Variants in SOBP observed in about 807,000 individuals in gnomAD.
The protein encoded by SOBP is sine oculis binding protein homolog.
In SOBP, 4 loss-of-function variants were observed where a neutral mutation model predicts 53.6. That is an observed-to-expected ratio of 0.07 (90% CI 0.04 to 0.17). The LOEUF is 0.17. Ranked by LOEUF, SOBP falls within the 10% of genes least tolerant of loss-of-function variation. SOBP has a pLI of 1.00. For synonymous variants in SOBP, 584 were observed against 522.6 expected, an observed-to-expected ratio of 1.12 and a Z score of -1.60; for missense variants, 1,088 against 1,204.7, an observed-to-expected ratio of 0.90 and a Z score of 1.43.
At chr6:107,509,365 G>A (rs1372689649) in intron 3 of SOBP, among the ~76,000 whole-genome samples, 1 of 148,336 alleles carries the variant, frequency 6.7e-6, no homozygotes, top group Non-Finnish European at 1.5e-5. Flanking sequence ...TTGCACTCCA[G>A]CCTGGGCAAC....
chr6:107,594,323 G>A (rs563744482), intron 5 of SOBP, among the ~76,000 whole-genome samples: 55 of 152,134 alleles, frequency 3.6e-4, no homozygotes, highest in Admixed American at 2.2e-3. Context: ...TTCCAAGGTT[G>A]CTTGCTTTCC....
chr6:107,503,613 T>C (rs1562575536), intron 1 of SOBP, 44 bp from the exon 2 acceptor site: 1 of 1,606,882 alleles, frequency 6.2e-7, no homozygotes, highest in Non-Finnish European at 8.5e-7. Context: ...TTTCAAGTAG[T>C]TATTGATTAT....
rs141785044 is a variant in SOBP at position 107,574,172 on chromosome 6, G to A, written c.574-12908G>A. 4.5e-3 allele frequency among the ~76,000 whole-genome samples: 682 copies of A among 152,280 alleles called. 8 individuals carry two copies. Among genetic ancestry groups the A allele is most frequent in the African/African-American group, 0.015 (628 of 41,544 alleles). The stretch of plus-strand genomic sequence containing the variant: ...ACATTTTTTTAACTCAAAGGCAAAA[G>A]TCTTTCATCCCTTAAGACAAAGAAA... On this transcript the variant is annotated intron_variant, in intron 4 of 6. Coordinates refer to ENST00000317357, the MANE Select transcript of SOBP (RefSeq NM_018013.4).
At chr6:107,619,231 A>G (rs1250060020) in intron 5 of SOBP, among the ~76,000 whole-genome samples, 1 of 152,212 alleles carries the variant, frequency 6.6e-6, no homozygotes, top group Non-Finnish European at 1.5e-5. Flanking sequence ...AATTAAAGAA[A>G]ACATGATAAG....
intron 1 of SOBP, among the ~76,000 whole-genome samples, chr6:107,500,012 T>G (rs1215523645): frequency 6.6e-6 from 1 of 152,162 alleles, no homozygotes; most frequent in African/African-American, 2.4e-5. Flanking sequence ...ACAAAAACAA[T>G]GCTGAAAAGT....
At chr6:107,524,486 G>A (rs754255657) in intron 3 of SOBP, among the ~76,000 whole-genome samples, 10 of 152,176 alleles carry the variant, frequency 6.6e-5, no homozygotes, top group African/African-American at 1.9e-4. Context: ...TATTTGGTCT[G>A]TATTACTCTC....
intron 4 of SOBP, among the ~76,000 whole-genome samples, chr6:107,554,149 C>T (rs1322270757): frequency 1.3e-5 from 2 of 152,094 alleles, no homozygotes; most frequent in Non-Finnish European, 2.9e-5. Context: ...TTTGAGTAAC[C>T]CTCCAGTAAT....
intron 3 of SOBP, among the ~76,000 whole-genome samples, chr6:107,527,483 C>T (rs1233810648): frequency 6.6e-6 from 1 of 152,186 alleles, no homozygotes; most frequent in African/African-American, 2.4e-5. Flanking sequence ...GGTGCCTGGT[C>T]ACTGGGCCTC....
chr6:107,513,754 G>T (rs539836071), intron 3 of SOBP, among the ~76,000 whole-genome samples: 18 of 151,430 alleles, frequency 1.2e-4, no homozygotes, highest in Admixed American at 3.3e-4. Flanking sequence ...AGAAAAAGAG[G>T]TTCACTGAAC....
chr6:107,510,045 T>G (rs1783122444), intron 3 of SOBP, among the ~76,000 whole-genome samples: 1 of 152,234 alleles, frequency 6.6e-6, no homozygotes, highest in Admixed American at 6.5e-5. Context: ...TGAATTTTGA[T>G]TTAGTCATAC....
chr6:107,506,495 A>G (rs747954862), intron 3 of SOBP, 68 bp downstream of exon 3: 4 of 1,555,170 alleles, frequency 2.6e-6, no homozygotes, highest in Middle Eastern at 1.7e-4. Flanking sequence ...CTTAGGAATA[A>G]TTATTAAATG....
At chr6:107,494,147 A>G (rs1782643737) in intron 1 of SOBP, among the ~76,000 whole-genome samples, 1 of 152,206 alleles carries the variant, frequency 6.6e-6, no homozygotes, top group Non-Finnish European at 1.5e-5. Flanking sequence ...ATGTACTTAC[A>G]ATTAGTCTGC....
chr6:107,622,200 G>A (rs1234635695), intron 5 of SOBP, among the ~76,000 whole-genome samples: 1 of 152,200 alleles, frequency 6.6e-6, no homozygotes, highest in Non-Finnish European at 1.5e-5. Context: ...GCTCTTGAAG[G>A]TAGACGGGGT....
chr6:107,583,863 A>G (rs866003457), intron 4 of SOBP, among the ~76,000 whole-genome samples: 17 of 152,208 alleles, frequency 1.1e-4, no homozygotes, highest in African/African-American at 3.6e-4. Flanking sequence ...TGCGTTGTAT[A>G]TACTTACTGG....
intron 3 of SOBP, among the ~76,000 whole-genome samples, chr6:107,525,178 A>G (rs770643425): frequency 2.0e-5 from 3 of 152,152 alleles, no homozygotes; most frequent in Non-Finnish European, 4.4e-5. Context: ...TTCCTTTCCT[A>G]TTCCAGTTTC....
At chr6:107,576,546 G>T (rs991962317) in intron 4 of SOBP, among the ~76,000 whole-genome samples, 3 of 152,206 alleles carry the variant, frequency 2.0e-5, no homozygotes, top group Non-Finnish European at 4.4e-5. Context: ...TACCCATGAA[G>T]GATAGTCAGC....
In SOBP at chr6:107,635,272, G is replaced by A. The variant is rs755690013; in HGVS notation, c.2428G>A (p.Ala810Thr). Residue 810 changes from alanine (A) to threonine (T), a missense_variant, in exon 6 of 7, where the codon GCG (alanine) becomes ACG (threonine). Ala to Thr is a moderately conservative substitution (Grantham distance 58). Transcript: ENST00000317357. This position sits in a 1 kb window ranked among gnomAD's most constrained non-coding sequence, Gnocchi z 4.5. The part of the protein sequence containing the change: ...DKSDPNLNNP[A>T]DEDHAYALRM... ...GTCAGACCCGAACCTTAATAACCCC[G>A]CGGACGAGGACCATGCCTATGCTCT... is the stretch of plus-strand genomic sequence containing the variant. The A allele has an allele frequency of 7.4e-6, 12 of 1,613,794 alleles. No homozygotes were observed. Among genetic ancestry groups the A allele is most frequent in the South Asian group, 2.2e-5 (2 of 91,084 alleles).
At chr6:107,550,916 C>T (rs1309692503) in intron 4 of SOBP, among the ~76,000 whole-genome samples, 1 of 152,090 alleles carries the variant, frequency 6.6e-6, no homozygotes, top group Non-Finnish European at 1.5e-5. Flanking sequence ...CATCATTTTG[C>T]CCTTGGGATG....
intron 4 of SOBP, among the ~76,000 whole-genome samples, chr6:107,537,780 A>G (rs1784040601): frequency 6.7e-6 from 1 of 149,314 alleles, no homozygotes; most frequent in Non-Finnish European, 1.5e-5. Flanking sequence ...TGACTGTGCC[A>G]TTGTACTCCT....
Sources: allele counts gnomAD v4.1 joint callset (sites outside exome capture counted in the v4.1 genomes callset), GRCh38; gene constraint gnomAD v4.1.1; non-coding constraint Gnocchi (gnomAD v3.1); transcripts MANE v1.5; gene names NCBI Gene and HGNC (gene_info 2026-07-23, HGNC 2026-07-21).